Variants in FAT3 observed in about 807,000 individuals in gnomAD.
FAT3 encodes the protein protocadherin Fat 3.
FAT3 carries 95 observed loss-of-function variants against 310.2 expected under a neutral mutation model. The ratio of observed to expected loss-of-function variants is 0.31; its 90% CI spans 0.26 to 0.36. FAT3 has a LOEUF of 0.36. Among genes scored for constraint, FAT3 ranks in the 10% least tolerant of loss-of-function variants. FAT3 has a pLI of 1.00. For synonymous variants in FAT3, 2,314 were observed against 2,192.9 expected (o/e 1.06, Z -1.54); for missense variants, 5,408 against 5,715.6 (o/e 0.95, Z 1.74).
intron 4 of FAT3, among the ~76,000 whole-genome samples, chr11:92,733,846 G>A (rs984518478): frequency 3.3e-5 from 5 of 152,174 alleles, no homozygotes; most frequent in African/African-American, 1.2e-4. Context: ...TGATTGTTTA[G>A]GGGTATATAA....
Position 92,353,445 on chromosome 11 carries a change from C to T in FAT3, c.1333C>T (p.Leu445=), listed in dbSNP as rs936697507. 6.2e-7 allele frequency: 1 copy of T among 1,613,552 alleles called. No homozygotes were observed. Among genetic ancestry groups the T allele is most frequent in the South Asian group, 1.1e-5 (1 of 91,028 alleles). ...TACTGTTAAGAAGGAGGTTTATAAA[C>T]TGGAGGTGACAAACAAGGAAGGAGA... ...LNTVKKEVYK[L]EVTNKEGDLK... Residue 445 remains leucine, a synonymous_variant, in exon 2 of 28, where the codon CTG becomes TTG. Coordinates refer to ENST00000525166, the MANE Select transcript of FAT3 (RefSeq NM_001367949.2).
chr11:92,801,588 C>T lies in FAT3; in HGVS notation c.8575C>T (p.Pro2859Ser), dbSNP rs1439409804. 1 of 1,610,946 alleles carries T rather than the reference C, an allele frequency of 6.2e-7. No individual in the cohort carries two copies. Among genetic ancestry groups the T allele is most frequent in the Admixed American group, 1.7e-5 (1 of 59,494 alleles). Reference sequence around the variant, plus strand: ...TTACTCCCTCCACTCGGATTCCCAGCCCGAAAAGGTAATGGAAGCATTCAA... The same window carrying T: ...TTACTCCCTCCACTCGGATTCCCAGTCCGAAAAGGTAATGGAAGCATTCAA... ...VTYSLHSDSQ[P>S]EKVMEAFNID... is the part of the protein sequence containing the mutation. Residue 2859 changes from proline to serine, a missense_variant, in exon 10 of 28, where the codon CCC becomes TCC. Pro to Ser is a moderately conservative substitution (Grantham distance 74). Transcript: ENST00000525166.
At position 92,883,051 on chromosome 11, in the gene FAT3, G is replaced by A. The variant is rs201053443; in HGVS notation, c.12595G>A (p.Ala4199Thr). 116 of 1,613,824 alleles carry A rather than the reference G, an allele frequency of 7.2e-5. No homozygotes were observed. The African/African-American group carries it at 1.2e-3, about 16-fold the overall frequency. ...GCTAGTGCAGGACCCGGCCACCGCC[G>A]CCCTGCTTAACAAGAGCAATGGCAT... ...ITLVQDPATA[A>T]LLNKSNGIPF... Residue 4199 changes from alanine to threonine, a missense_variant, in exon 24 of 28, where the codon GCC (alanine) becomes ACC (threonine). Physicochemically the swap from Ala to Thr is moderately conservative, Grantham distance 58. Coordinates refer to ENST00000525166, the MANE Select transcript of FAT3 (RefSeq NM_001367949.2). This position sits in a 1 kb window ranked among gnomAD's most constrained non-coding sequence, Gnocchi z 4.2.
At chr11:92,231,127 G>T (rs1366726881) in intron 1 of FAT3, among the ~76,000 whole-genome samples, 2 of 152,122 alleles carry the variant, frequency 1.3e-5, no homozygotes, top group Non-Finnish European at 2.9e-5. Context: ...AATTTCAAAG[G>T]TAACTTTTAG....
intron 4 of FAT3, among the ~76,000 whole-genome samples, chr11:92,718,376 G>T (rs1020066435): frequency 6.6e-6 from 1 of 152,074 alleles, no homozygotes; most frequent in African/African-American, 2.4e-5. Flanking sequence ...GGTGGGTGGG[G>T]GTAGGACTAG....
intron 6 of FAT3, among the ~76,000 whole-genome samples, chr11:92,767,607 C>G (rs1186748058): frequency 6.6e-6 from 1 of 152,168 alleles, no homozygotes; most frequent in Non-Finnish European, 1.5e-5. Context: ...AGGCTTGCAA[C>G]TCTTCATCAT....
chr11:92,353,111 C>G lies in FAT3; in HGVS notation c.999C>G (p.Asp333Glu). 1 of 1,613,658 alleles carries G rather than the reference C, an allele frequency of 6.2e-7. No homozygotes were observed. The highest frequency in any genetic ancestry group is 8.5e-7 in the Non-Finnish European group (1 of 1,179,856). The change falls in exon 2 of 28, where the codon GAC becomes GAG. Residue 333 changes from aspartate to glutamate, a missense_variant. By Grantham distance (45) the Asp-to-Glu change is conservative. Around this residue, in one of 5 missense-constraint regions of FAT3, gnomAD observed 4,588 missense variants for 4,809.8 expected, o/e 0.95. Transcript: ENST00000525166. ...EYKIKERKQI[D>E]WESFPYGYNL... ...AGATTAAGGAGAGGAAGCAGATTGACTGGGAGAGCTTTCCCTATGGCTACA... is the reference window on the plus strand; with the variant it reads ...AGATTAAGGAGAGGAAGCAGATTGAGTGGGAGAGCTTTCCCTATGGCTACA...
chr11:92,536,774 G>C (rs947985927), intron 3 of FAT3, among the ~76,000 whole-genome samples: 1 of 152,106 alleles, frequency 6.6e-6, no homozygotes, highest in African/African-American at 2.4e-5. Flanking sequence ...TCTAAATTAA[G>C]TTGTGCCTGA....
chr11:92,784,605 T>C (rs1463604962), intron 7 of FAT3, among the ~76,000 whole-genome samples: 5 of 152,332 alleles, frequency 3.3e-5, no homozygotes, highest in Non-Finnish European at 5.9e-5. Flanking sequence ...TTCCTCCTGC[T>C]TTGATTTCAT....
At chr11:92,816,569 A>AGCAG (rs1391486683) in intron 13 of FAT3, among the ~76,000 whole-genome samples, 2 of 152,208 alleles carry the variant, frequency 1.3e-5, no homozygotes, top group Non-Finnish European at 2.9e-5. Context: ...CAATGATGAA[A>AGCAG]GCAGGAAAGA....
chr11:92,705,557 GTGA>G (rs1236565798), intron 4 of FAT3, among the ~76,000 whole-genome samples: 1 of 134,058 alleles, frequency 7.5e-6, no homozygotes, highest in African/African-American at 2.8e-5. Flanking sequence ...TGGTGGTGGT[GTGA>G]TGGTGGTGGT....
At chr11:92,802,919 A>G (rs1287591792) in intron 10 of FAT3, among the ~76,000 whole-genome samples, 1 of 152,142 alleles carries the variant, frequency 6.6e-6, no homozygotes, top group Non-Finnish European at 1.5e-5. Flanking sequence ...AAATGTGTCA[A>G]TGCTTGGGGT....
intron 1 of FAT3, among the ~76,000 whole-genome samples, chr11:92,296,885 C>A (rs1315341654): frequency 2.0e-5 from 3 of 152,006 alleles, no homozygotes; most frequent in Non-Finnish European, 4.4e-5. Context: ...CTTGAATGTA[C>A]CTTCTGTGCC....
intron 2 of FAT3, among the ~76,000 whole-genome samples, chr11:92,447,396 C>T (rs1951246769): frequency 6.6e-6 from 1 of 151,600 alleles, no homozygotes; most frequent in Non-Finnish European, 1.5e-5. Flanking sequence ...AAGATGAGAA[C>T]AGTAATGCCT....
intron 2 of FAT3, among the ~76,000 whole-genome samples, chr11:92,437,213 A>C (rs1950958838): frequency 6.6e-6 from 1 of 152,246 alleles, no homozygotes; most frequent in Non-Finnish European, 1.5e-5. Context: ...GAAAAGCAAC[A>C]TGTGAAATAT....
chr11:92,517,912 C>T lies in FAT3; in HGVS notation c.3293-6722C>T, dbSNP rs1267816771. ...TCATTAGAGAAATGCAAATTAAAAC[C>T]ACAATGAGATACAGTCTCACACCAG... On this transcript the variant is annotated intron_variant, in intron 2 of 27. Transcript: ENST00000525166. Among the ~76,000 whole-genome samples, 4 of 152,202 alleles carry T rather than the reference C, an allele frequency of 2.6e-5. No homozygotes were observed. The South Asian group carries it at 8.3e-4, about 32-fold the overall frequency.
chr11:92,376,812 A>G (rs1949360562), intron 2 of FAT3, among the ~76,000 whole-genome samples: 1 of 152,196 alleles, frequency 6.6e-6, no homozygotes, highest in East Asian at 1.9e-4. Flanking sequence ...TTGAATAGAC[A>G]TATATATGAA....
In FAT3 at chr11:92,433,565, A is replaced by G. The variant is rs185406775; in HGVS notation, c.3292+78161A>G. On this transcript the variant is annotated intron_variant, in intron 2 of 27. Transcript: ENST00000525166. ...TGCTCACCCTCCGTGGGCTGCACCC[A>G]CTATGTAACCAGTCCCAATGAGATG... Among the ~76,000 whole-genome samples the G allele has an allele frequency of 2.9e-3, 436 of 152,180 alleles. 1 individual carries two copies. Among genetic ancestry groups the G allele is most frequent in the African/African-American group, 9.8e-3 (408 of 41,538 alleles).
chr11:92,737,529 G>A (rs549925607), intron 4 of FAT3, among the ~76,000 whole-genome samples: 1 of 152,218 alleles, frequency 6.6e-6, no homozygotes, highest in East Asian at 1.9e-4. Context: ...ACGTGTGTGT[G>A]TGTGTGTCTG....
Sources: gnomAD v4.1 joint callset for allele counts (sites outside exome capture counted in the v4.1 genomes callset) on GRCh38, gnomAD v4.1.1 for gene constraint, gnomAD v4.1.1 regional missense constraint, Gnocchi (gnomAD v3.1) non-coding constraint, MANE v1.5 for transcripts, NCBI Gene and HGNC (gene_info 2026-07-23, HGNC 2026-07-21) for gene names.